Variants in ZNF469 observed in about 807,000 individuals in gnomAD.
The protein encoded by ZNF469 is zinc finger protein 469.
A neutral mutation model predicts 1.0 loss-of-function variants in ZNF469; 1 was observed. The observed-to-expected ratio is 1.00, with a 90% CI of 0.35 to 4.73. The LOEUF (loss-of-function observed/expected upper bound fraction) is 4.73, where lower values mean the gene tolerates loss of function less well. ZNF469 is among the 30% of genes most tolerant of loss of function. The pLI, the probability that ZNF469 is intolerant of heterozygous loss-of-function variation, is 0.16. For synonymous variants in ZNF469, 2,703 were observed against 2,363.4 expected (o/e 1.14, Z -4.17); for missense variants, 6,100 against 5,356.3 (o/e 1.14, Z -4.33).
chr16:88,116,054 G>A, the ZNF469 span, among the ~76,000 whole-genome samples: 2 of 152,222 alleles, frequency 1.3e-5, no homozygotes, highest in African/African-American at 2.4e-5. Flanking sequence ...ACTGCAGAGC[G>A]GGGAAAGTAT....
the ZNF469 span, among the ~76,000 whole-genome samples, chr16:88,184,794 C>G: frequency 6.6e-6 from 1 of 152,346 alleles, no homozygotes; most frequent in East Asian, 1.9e-4. Context: ...AACCTCGTCA[C>G]GCTGCAAGTG....
chr16:88,200,334 G>C, the ZNF469 span, among the ~76,000 whole-genome samples: 1 of 152,218 alleles, frequency 6.6e-6, no homozygotes, highest in African/African-American at 2.4e-5. Flanking sequence ...GGCACTGCCT[G>C]GGTTGCTTGG....
At chr16:88,411,360 C>A (rs537700822) in intron 1 of ZNF469, among the ~76,000 whole-genome samples, 1 of 152,070 alleles carries the variant, frequency 6.6e-6, no homozygotes, top group African/African-American at 2.4e-5. Flanking sequence ...GGCGGGTGGT[C>A]CAGGGGGAGT....
the ZNF469 span, among the ~76,000 whole-genome samples, chr16:88,172,010 C>A: frequency 6.6e-6 from 1 of 152,284 alleles, no homozygotes; most frequent in African/African-American, 2.4e-5. Flanking sequence ...AGACTGTGAT[C>A]CCTGCGAGAA....
chr16:88,374,503 T>C, the ZNF469 span, among the ~76,000 whole-genome samples: 1 of 152,212 alleles, frequency 6.6e-6, no homozygotes, highest in African/African-American at 2.4e-5. Flanking sequence ...GGAAAGGCTG[T>C]GAGTCTAGAA....
the ZNF469 span, among the ~76,000 whole-genome samples, chr16:88,209,275 C>G: frequency 2.0e-5 from 3 of 151,848 alleles, no homozygotes; most frequent in African/African-American, 7.3e-5. Context: ...TCCGGTGTTT[C>G]TTTTCTTTTC....
the ZNF469 span, among the ~76,000 whole-genome samples, chr16:88,114,925 CTG>C: frequency 6.6e-6 from 1 of 150,562 alleles, no homozygotes; most frequent in African/African-American, 2.4e-5. Context: ...TCTTCTCAGT[CTG>C]TAAAAAATTT....
chr16:88,431,330 C>T lies in ZNF469; in HGVS notation c.3860C>T (p.Thr1287Met), dbSNP rs953976462. The T allele has an allele frequency of 5.2e-6, 8 of 1,549,548 alleles. No homozygotes were observed. Among genetic ancestry groups the T allele is most frequent in the Middle Eastern group, 1.7e-4 (1 of 5,990 alleles). ...AAGCCGTCGGGAAGCCTCGCCAACA[C>T]GGCGCCCCACGGAAGCTCGCCAACG... ...TPKPSGSLAN[T>M]APHGSSPTPG... is the part of the protein sequence containing the mutation. Residue 1287 changes from threonine (T) to methionine (M), a missense_variant, in exon 3 of 3, where the codon ACG becomes ATG. Physicochemically the swap from Thr to Met is moderately conservative, Grantham distance 81. Transcript: ENST00000565624.
At position 88,438,860 on chromosome 16, in the gene ZNF469, G is replaced by C. The variant is rs1423030823; in HGVS notation, c.11390G>C (p.Gly3797Ala). ...TGCACCAAGGGGCCAAGGGAAGCTG[G>C]TGAGCAGGGGCCCCACGGGAGCCTA... ...KSCTKGPREA[G>A]EQGPHGSLGP... Residue 3797 changes from glycine to alanine, a missense_variant, in exon 3 of 3, where the codon GGT becomes GCT. Physicochemically the swap from Gly to Ala is moderately conservative, Grantham distance 60 (BLOSUM62 0). Transcript: ENST00000565624. 6.4e-7 allele frequency: 1 copy of C among 1,550,436 alleles called. No individual in the cohort carries two copies. Among genetic ancestry groups the C allele is most frequent in the Admixed American group, 2.0e-5 (1 of 51,010 alleles).
chr16:88,170,192 G>A, the ZNF469 span, among the ~76,000 whole-genome samples: 1 of 152,164 alleles, frequency 6.6e-6, no homozygotes, highest in South Asian at 2.1e-4. This position sits in a 1 kb window ranked among gnomAD's most constrained non-coding sequence, Gnocchi z 4.2. Flanking sequence ...ATAGAGTTAA[G>A]GCATGTAATG....
chr16:88,132,583 C>T, the ZNF469 span, among the ~76,000 whole-genome samples: 2 of 152,336 alleles, frequency 1.3e-5, no homozygotes, highest in East Asian at 1.9e-4. Flanking sequence ...GCTCTGCTAC[C>T]GTCAGGAAAA....
chr16:88,196,595 C>A, the ZNF469 span, among the ~76,000 whole-genome samples: 14 of 152,160 alleles, frequency 9.2e-5, no homozygotes, highest in African/African-American at 3.4e-4. Context: ...GGAGTGACCA[C>A]CAAAAATAGC....
At chr16:88,199,094 C>G in the ZNF469 span, among the ~76,000 whole-genome samples, 2 of 152,194 alleles carry the variant, frequency 1.3e-5, no homozygotes, top group African/African-American at 4.8e-5. Flanking sequence ...TCCCATTCCA[C>G]CGTGACCTGG....
the ZNF469 span, among the ~76,000 whole-genome samples, chr16:88,234,400 G>A: frequency 6.6e-6 from 1 of 152,256 alleles, no homozygotes. Flanking sequence ...TTGAGGGGCA[G>A]GGAGAAGACC....
At chr16:88,346,457 C>T in the ZNF469 span, among the ~76,000 whole-genome samples, 1 of 152,258 alleles carries the variant, frequency 6.6e-6, no homozygotes, top group Admixed American at 6.5e-5. Flanking sequence ...AGCTCCCATG[C>T]CACCTCAAAG....
At position 88,430,044 on chromosome 16, in the gene ZNF469, G is replaced by C. The variant is rs74384633; in HGVS notation, c.2574G>C (p.Pro858=). Residue 858 remains proline, a synonymous_variant, in exon 3 of 3, where the codon CCG becomes CCC. Coordinates refer to ENST00000565624, the MANE Select transcript of ZNF469 (RefSeq NM_001367624.2). ...GCATGGAGTACCAGTCGGACAACCC[G>C]GAGATCGACAGCAGCTTCATCGACG... ...LNGMEYQSDN[P]EIDSSFIDVF... 3,273 of 1,550,366 alleles carry C rather than the reference G, an allele frequency of 2.1e-3. 52 individuals are homozygous for C. In the African/African-American group the frequency reaches 0.037, roughly 18 times the overall value.
chr16:88,360,837 G>GA, the ZNF469 span, among the ~76,000 whole-genome samples: 6 of 151,834 alleles, frequency 4.0e-5, 1 homozygote, highest in African/African-American at 1.5e-4. Flanking sequence ...ACCCCTGCCC[G>GA]ACACCCCCTG....
At chr16:88,227,669 G>A in the ZNF469 span, among the ~76,000 whole-genome samples, 9 of 151,256 alleles carry the variant, frequency 6.0e-5, no homozygotes, top group Non-Finnish European at 8.8e-5. Flanking sequence ...GCCTTGATGC[G>A]TATTTTCCAT....
chr16:88,251,652 G>A, the ZNF469 span, among the ~76,000 whole-genome samples: 5 of 137,376 alleles, frequency 3.6e-5, no homozygotes, highest in South Asian at 2.5e-4. Context: ...TCCACCTCCC[G>A]GGTTCAAGCA....
Sources: gnomAD v4.1 joint callset for allele counts (sites outside exome capture counted in the v4.1 genomes callset) on GRCh38, gnomAD v4.1.1 for gene constraint, Gnocchi (gnomAD v3.1) non-coding constraint, MANE v1.5 for transcripts, NCBI Gene and HGNC (gene_info 2026-07-23, HGNC 2026-07-21) for gene names.